Variants in ASXL3 observed in about 807,000 individuals in gnomAD.
ASXL3 encodes putative Polycomb group protein ASXL3.
A neutral mutation model predicts 170.6 loss-of-function variants in ASXL3; 34 were observed. That is an observed-to-expected ratio of 0.20 (90% CI 0.15 to 0.27). The LOEUF (loss-of-function observed/expected upper bound fraction) is 0.27, where lower values mean the gene tolerates loss of function less well. ASXL3 is among the 10% of genes least tolerant of loss of function. The pLI, the probability that ASXL3 is intolerant of heterozygous loss-of-function variation, is 1.00. For synonymous variants in ASXL3, 1,002 were observed against 989.1 expected (o/e 1.01, Z -0.24); for missense variants, 2,592 against 2,695.3 (o/e 0.96, Z 0.85).
chr18:33,603,168 T>G (rs2065202982), intron 1 of ASXL3, among the ~76,000 whole-genome samples: 2 of 152,166 alleles, frequency 1.3e-5, no homozygotes, highest in South Asian at 2.1e-4. Flanking sequence ...GGGCAAAAAT[T>G]TTAACCTTTA....
rs1370844206 is a variant in ASXL3, at chr18:33,739,950, C to G, written c.2546C>G (p.Pro849Arg). 1.2e-6 allele frequency: 2 copies of G among 1,613,934 alleles called. No homozygotes were observed. Among genetic ancestry groups the G allele is most frequent in the Non-Finnish European group, 1.7e-6 (2 of 1,179,878 alleles). Reference sequence around the variant, plus strand: ...CATGTTGACACTGAGAAGCCCTACCCTGCTTCAATTCCAGAACTTGCTTCT... The same window carrying G: ...CATGTTGACACTGAGAAGCCCTACCGTGCTTCAATTCCAGAACTTGCTTCT... The part of the protein sequence containing the change: ...KSHVDTEKPY[P>R]ASIPELASTE... The change falls in exon 11 of 12, where the codon CCT becomes CGT. Residue 849 changes from proline to arginine, a missense_variant. Coordinates refer to ENST00000269197, the MANE Select transcript of ASXL3 (RefSeq NM_030632.3).
intron 7 of ASXL3, among the ~76,000 whole-genome samples, chr18:33,680,939 G>A (rs1412620995): frequency 2.6e-5 from 4 of 151,656 alleles, no homozygotes; most frequent in African/African-American, 7.3e-5. Context: ...TACCTTTATT[G>A]TGATTGTTTT....
intron 1 of ASXL3, among the ~76,000 whole-genome samples, chr18:33,581,039 A>G (rs1162607355): frequency 6.6e-6 from 1 of 152,130 alleles, no homozygotes; most frequent in East Asian, 1.9e-4. Context: ...AACGGTGATA[A>G]CTGGTCACCA....
intron 1 of ASXL3, among the ~76,000 whole-genome samples, chr18:33,600,901 T>C (rs2065177226): frequency 6.6e-6 from 1 of 152,172 alleles, no homozygotes; most frequent in Admixed American, 6.6e-5. Flanking sequence ...TGCTTGAAAG[T>C]TTCAGTATAT....
At position 33,745,776 on chromosome 18, in the gene ASXL3, T is replaced by A; in HGVS notation, c.5928T>A (p.Ser1976Arg). The change falls in exon 12 of 12, where the codon AGT (serine) becomes AGA (arginine). Residue 1976 changes from serine (S) to arginine (R), a missense_variant. Physicochemically the swap from Ser to Arg is moderately radical, Grantham distance 110. Around this residue, in one of 4 missense-constraint regions of ASXL3, gnomAD observed 2,246 missense variants for 2,219.6 expected, o/e 1.01. Coordinates refer to ENST00000269197, the MANE Select transcript of ASXL3 (RefSeq NM_030632.3). The stretch of plus-strand genomic sequence containing the variant: ...AACAGAAGGGATTGGGAGAGGTTAG[T>A]CTTTCCTCAGCACCTCACCAGCTAA... ...HLEQKGLGEV[S>R]LSSAPHQLRL... is the part of the protein sequence containing the mutation. 1.2e-6 allele frequency: 2 copies of A among 1,613,962 alleles called. No homozygotes were observed. Among genetic ancestry groups the A allele is most frequent in the Non-Finnish European group, 1.7e-6 (2 of 1,179,876 alleles).
chr18:33,729,238 A>G (rs980376437), intron 8 of ASXL3, among the ~76,000 whole-genome samples: 9 of 152,188 alleles, frequency 5.9e-5, no homozygotes, highest in African/African-American at 1.7e-4. Context: ...ATTGGAGAAA[A>G]TGTGTAGAAT....
chr18:33,708,494 T>C (rs957560104), intron 8 of ASXL3, among the ~76,000 whole-genome samples: 2 of 152,184 alleles, frequency 1.3e-5, no homozygotes, highest in African/African-American at 4.8e-5. Flanking sequence ...CACTCTGACA[T>C]GTATATAATA....
intron 2 of ASXL3, among the ~76,000 whole-genome samples, chr18:33,612,699 A>G (rs774544555): frequency 3.3e-5 from 5 of 152,120 alleles, no homozygotes; most frequent in Non-Finnish European, 7.4e-5. Context: ...TATAGTGACA[A>G]ACAATAAAAT....
At chr18:33,627,202 A>G (rs776270265) in intron 2 of ASXL3, 1 of 152,210 alleles carries the variant, frequency 6.6e-6, no homozygotes. Flanking sequence ...AAGGCCAGGC[A>G]GTGCGATTTG....
At chr18:33,731,279 T>C (rs1178872041) in intron 8 of ASXL3, among the ~76,000 whole-genome samples, 3 of 152,138 alleles carry the variant, frequency 2.0e-5, no homozygotes, top group African/African-American at 7.2e-5. Context: ...TTAGGATATA[T>C]GAATTCTATA....
At chr18:33,604,603 A>G (rs1179782015) in intron 1 of ASXL3, among the ~76,000 whole-genome samples, 1 of 151,960 alleles carries the variant, frequency 6.6e-6, no homozygotes, top group African/African-American at 2.4e-5. Flanking sequence ...ACCCCTGGAC[A>G]AAGCCCCCCA....
In ASXL3 at chr18:33,746,460, C is replaced by A. The variant is rs746084182; in HGVS notation, c.6612C>A (p.Ser2204Arg). 17 of 1,614,052 alleles carry A rather than the reference C, an allele frequency of 1.1e-5. No individual in the cohort carries two copies. Among genetic ancestry groups the A allele is most frequent in the Non-Finnish European group, 1.4e-5 (17 of 1,179,894 alleles). The change falls in exon 12 of 12, where the codon AGC becomes AGA. Residue 2204 changes from serine to arginine, a missense_variant. Physicochemically the swap from Ser to Arg is moderately radical, Grantham distance 110. Around this residue, in one of 4 missense-constraint regions of ASXL3, gnomAD observed 2,246 missense variants for 2,219.6 expected, o/e 1.01. Coordinates refer to ENST00000269197, the MANE Select transcript of ASXL3 (RefSeq NM_030632.3). ...CCGTTCAGAACTTTGCCGACAGCAGCAATGCAGATGAATTGGAACTGAAAT... is the reference window on the plus strand; with the variant it reads ...CCGTTCAGAACTTTGCCGACAGCAGAAATGCAGATGAATTGGAACTGAAAT... ...QMPVQNFADSSNADELELKCS... is the reference protein window; with the variant it reads ...QMPVQNFADSRNADELELKCS...
chr18:33,720,833 G>T (rs2145370819), intron 8 of ASXL3, among the ~76,000 whole-genome samples: 1 of 152,234 alleles, frequency 6.6e-6, no homozygotes, highest in South Asian at 2.1e-4. Flanking sequence ...TTTGGAATTT[G>T]AAAATGGATT....
intron 8 of ASXL3, among the ~76,000 whole-genome samples, chr18:33,699,756 A>G (rs2066838235): frequency 6.6e-6 from 1 of 152,104 alleles, no homozygotes; most frequent in South Asian, 2.1e-4. Context: ...TTTTGAGGCC[A>G]CTGTTCTTTT....
At chr18:33,584,789 T>C (rs1285782285) in intron 1 of ASXL3, among the ~76,000 whole-genome samples, 2 of 152,104 alleles carry the variant, frequency 1.3e-5, no homozygotes, top group Non-Finnish European at 2.9e-5. Flanking sequence ...ATCCTGTCTA[T>C]AAAAGCAAGG....
intron 2 of ASXL3, among the ~76,000 whole-genome samples, chr18:33,628,964 T>G (rs961007588): frequency 2.6e-5 from 4 of 152,164 alleles, no homozygotes; most frequent in African/African-American, 9.6e-5. Context: ...ATAGATTTAT[T>G]TCAGGTGTAG....
chr18:33,734,817 A>G (rs1237443872), intron 10 of ASXL3, among the ~76,000 whole-genome samples: 3 of 152,164 alleles, frequency 2.0e-5, no homozygotes, highest in African/African-American at 7.2e-5. Context: ...TGTCTAATGC[A>G]TTTTAATCTT....
chr18:33,624,222 A>C (rs1281930291), intron 2 of ASXL3, among the ~76,000 whole-genome samples: 4 of 152,088 alleles, frequency 2.6e-5, no homozygotes, highest in Non-Finnish European at 4.4e-5. Flanking sequence ...GATTTTCCTG[A>C]TGTACACTCT....
chr18:33,691,492 A>G (rs968350238), intron 8 of ASXL3, among the ~76,000 whole-genome samples: 5 of 152,182 alleles, frequency 3.3e-5, no homozygotes, highest in Admixed American at 1.3e-4. Flanking sequence ...AGAAAATTAT[A>G]CTGGTTTGGG....
Sources: allele counts gnomAD v4.1 joint callset (sites outside exome capture counted in the v4.1 genomes callset), GRCh38; gene constraint gnomAD v4.1.1; regional missense constraint gnomAD v4.1.1; transcripts MANE v1.5; gene names NCBI Gene and HGNC (gene_info 2026-07-23, HGNC 2026-07-21).